The following EXPH5 variants were observed in gnomAD, a reference collection of about 807,000 sequenced individuals.
The protein encoded by EXPH5 is exophilin 5.
In EXPH5, 42 loss-of-function variants were observed where a neutral mutation model predicts 41.1. The observed-to-expected ratio is 1.02, with a 90% CI of 0.80 to 1.32. The LOEUF is 1.32. Ranked by LOEUF, EXPH5 falls within the 40% of genes most tolerant of loss-of-function variation. The pLI is 0.00. For missense variants in EXPH5, 2,298 were observed against 2,314.5 expected (o/e 0.99, Z 0.15); for synonymous variants, 798 against 833.5 (o/e 0.96, Z 0.73).
In EXPH5 at chr11:108,541,794, CTT is replaced by C; in HGVS notation, c.136_137del (p.Lys46GlufsTer12). On this transcript the variant is annotated frameshift_variant, in exon 2 of 6. Transcript: ENST00000265843. LOFTEE classifies it high-confidence loss of function. ...KDRISKLQKT[K>X]RDIRWLQGVT... ...CTCCCTGAAGCCATCTGATATCCCT[CTT>C]TGTCTTCTGAAGTTTGCTGAAATAA... is the stretch of plus-strand genomic sequence containing the variant. 2 of 1,598,210 alleles carry C rather than the reference CTT, an allele frequency of 1.3e-6. No homozygotes were observed. The highest frequency in any genetic ancestry group is 1.7e-6 in the Non-Finnish European group (2 of 1,175,728).
chr11:108,587,098 A>G (rs1316312028), intron 1 of EXPH5, among the ~76,000 whole-genome samples: 2 of 144,964 alleles, frequency 1.4e-5, no homozygotes, highest in African/African-American at 4.9e-5. Context: ...TGTGCTAAAC[A>G]GGAAGGAAAG....
the EXPH5 span, among the ~76,000 whole-genome samples, chr11:108,601,670 T>C: frequency 6.6e-6 from 1 of 152,198 alleles, no homozygotes; most frequent in Admixed American, 6.5e-5. Flanking sequence ...TATGAAATGA[T>C]GGAAACTCTC....
At chr11:108,540,808 T>C (rs934600065) in intron 2 of EXPH5, among the ~76,000 whole-genome samples, 2 of 152,050 alleles carry the variant, frequency 1.3e-5, no homozygotes, top group African/African-American at 4.8e-5. Context: ...TGATCTCTGA[T>C]TCTCCCTTCC....
At chr11:108,568,859 C>T (rs2094047080) in intron 1 of EXPH5, among the ~76,000 whole-genome samples, 1 of 152,134 alleles carries the variant, frequency 6.6e-6, no homozygotes, top group Admixed American at 6.5e-5. Context: ...CTAATCGAGG[C>T]CCCTAAACAC....
chr11:108,597,215 T>C (rs2094140067), upstream of EXPH5, among the ~76,000 whole-genome samples: 2 of 152,184 alleles, frequency 1.3e-5, no homozygotes, highest in Admixed American at 1.3e-4. Context: ...TTATTTTTCT[T>C]GAGATGGAGT....
intron 1 of EXPH5, 80 bp downstream of exon 1, chr11:108,593,338 C>T: frequency 3.9e-6 from 5 of 1,298,264 alleles, no homozygotes; most frequent in Middle Eastern, 2.0e-4. Flanking sequence ...GTGCCCCGCG[C>T]GAGCTCAGCG....
intron 1 of EXPH5, among the ~76,000 whole-genome samples, chr11:108,561,445 G>A (rs150459572): frequency 6.6e-6 from 1 of 152,172 alleles, no homozygotes; most frequent in Non-Finnish European, 1.5e-5. Flanking sequence ...AGCCACAGAA[G>A]TAATGAATTA....
At position 108,541,642 on chromosome 11, in the gene EXPH5, T is replaced by G. The variant is rs12804124; in HGVS notation, c.280+10A>C. ...AGAAATCAACTTTAAATCTAAAATC[T>G]TTTTCTTACCATTTTTTGCCATCTC... On this transcript the variant is annotated intron_variant, in intron 2 of 5. Transcript: ENST00000265843. The G allele has an allele frequency of 0.034, 54,532 of 1,581,976 alleles. 1,166 individuals are homozygous for G. The highest frequency in any genetic ancestry group is 0.042 in the Non-Finnish European group (49,093 of 1,159,846).
chr11:108,594,757 C>A (rs2094136277), upstream of EXPH5, among the ~76,000 whole-genome samples: 1 of 152,174 alleles, frequency 6.6e-6, no homozygotes, highest in African/African-American at 2.4e-5. Flanking sequence ...CTACATATAT[C>A]ATTTCTTTTC....
At chr11:108,536,520 C>T (rs1470490226) in intron 3 of EXPH5, among the ~76,000 whole-genome samples, 2 of 152,224 alleles carry the variant, frequency 1.3e-5, no homozygotes, top group Admixed American at 6.5e-5. Context: ...CTGCCTTGCC[C>T]TCCCAAAGTG....
chr11:108,551,177 G>A (rs1470841900), intron 1 of EXPH5, among the ~76,000 whole-genome samples: 1 of 152,158 alleles, frequency 6.6e-6, no homozygotes, highest in Non-Finnish European at 1.5e-5. Flanking sequence ...GAACTGAGAC[G>A]CGAACCCACA....
intron 1 of EXPH5, among the ~76,000 whole-genome samples, chr11:108,542,518 G>A (rs1290446890): frequency 1.3e-5 from 2 of 151,960 alleles, no homozygotes; most frequent in Non-Finnish European, 2.9e-5. Context: ...GAATATTCTC[G>A]TTCTGATTAC....
chr11:108,554,488 A>G (rs781686371), intron 1 of EXPH5, among the ~76,000 whole-genome samples: 1 of 152,222 alleles, frequency 6.6e-6, no homozygotes, highest in African/African-American at 2.4e-5. Context: ...CATGTAATGC[A>G]TGTTCCTGGA....
chr11:108,592,986 G>C (rs1042213885), intron 1 of EXPH5, among the ~76,000 whole-genome samples: 3 of 152,240 alleles, frequency 2.0e-5, no homozygotes, highest in African/African-American at 7.2e-5. Flanking sequence ...AAGCTCTGTC[G>C]GACCCGTGCG....
intron 1 of EXPH5, among the ~76,000 whole-genome samples, chr11:108,574,018 C>T (rs1004363593): frequency 1.3e-5 from 2 of 152,014 alleles, no homozygotes; most frequent in African/African-American, 4.8e-5. Flanking sequence ...TCTCCTGCCT[C>T]AGCCTCTGGA....
At chr11:108,556,300 TG>T (rs2093989683) in intron 1 of EXPH5, among the ~76,000 whole-genome samples, 3 of 151,972 alleles carry the variant, frequency 2.0e-5, no homozygotes, top group African/African-American at 7.3e-5. Context: ...TTTTTTTTTT[TG>T]GAAAAGCTGG....
intron 1 of EXPH5, among the ~76,000 whole-genome samples, chr11:108,590,787 C>A (rs1284126991): frequency 2.0e-5 from 3 of 152,164 alleles, no homozygotes; most frequent in Non-Finnish European, 2.9e-5. Flanking sequence ...GCTAGTACTG[C>A]AAGTATGTGC....
At chr11:108,593,391 G>A in intron 1 of EXPH5, 27 bp downstream of exon 1, 2 of 1,598,070 alleles carry the variant, frequency 1.3e-6, no homozygotes, top group African/African-American at 1.3e-5. Context: ...CCAGGCCCAG[G>A]ACAAAAGAAA....
At position 108,590,752 on chromosome 11, in the gene EXPH5, T is replaced by TC. The variant is rs567537462; in HGVS notation, c.119+2665dup. Among the ~76,000 whole-genome samples, 168 of 152,340 alleles carry TC rather than the reference T, an allele frequency of 1.1e-3. 2 individuals are homozygous for TC. Among genetic ancestry groups the TC allele is most frequent in the African/African-American group, 3.9e-3 (163 of 41,580 alleles). ...GCCTTGAACTCTTGAGCTCAAGGGA[T>TC]CCTCCCACCTGAGCCTCCTGAGTAG... is the stretch of plus-strand genomic sequence containing the variant. On this transcript the variant is annotated intron_variant, in intron 1 of 5. Transcript: ENST00000265843.
Sources: gnomAD v4.1 joint callset for allele counts (sites outside exome capture counted in the v4.1 genomes callset) on GRCh38, gnomAD v4.1.1 for gene constraint, MANE v1.5 for transcripts, NCBI Gene and HGNC (gene_info 2026-07-23, HGNC 2026-07-21) for gene names.